The following PCDHA9 variants were observed in gnomAD, a reference collection of about 807,000 sequenced individuals.
PCDHA9 encodes the protein protocadherin alpha-9.
Under a neutral mutation model 62.0 loss-of-function variants are expected in PCDHA9, and 62 were observed. The ratio of observed to expected loss-of-function variants is 1.00; its 90% CI spans 0.81 to 1.23. PCDHA9 has a LOEUF of 1.23. Ranked by LOEUF, PCDHA9 falls within the 50% of genes most tolerant of loss-of-function variation. The pLI is 0.00. For missense variants in PCDHA9, 1,205 were observed against 1,249.8 expected (o/e 0.96, Z 0.54); for synonymous variants, 557 against 567.6 (o/e 0.98, Z 0.27).
At chr5:140,945,790 T>C (rs1340396620) in intron 1 of PCDHA9, among the ~76,000 whole-genome samples, 2 of 152,010 alleles carry the variant, frequency 1.3e-5, no homozygotes, top group South Asian at 2.1e-4. Context: ...TGCAGAAAAA[T>C]GAAACTAGAC....
In PCDHA9 at chr5:140,874,725, T is replaced by C. The variant is rs181567985; in HGVS notation, c.2394+23836T>C. Among the ~76,000 whole-genome samples, 426 of 152,372 alleles carry C rather than the reference T, an allele frequency of 2.8e-3. 2 individuals are homozygous for C. Among genetic ancestry groups the C allele is most frequent in the Middle Eastern group, 0.014 (4 of 294 alleles). On this transcript the variant is annotated intron_variant, in intron 1 of 3. Transcript: ENST00000532602. The stretch of plus-strand genomic sequence containing the variant: ...ATGAGAGCAGTTATGTGAAAAGTTA[T>C]CACATTCAAGCATCAAGGAACCAAA...
At chr5:140,989,970 A>C (rs2097368842) in intron 3 of PCDHA9, among the ~76,000 whole-genome samples, 1 of 152,136 alleles carries the variant, frequency 6.6e-6, no homozygotes, top group Non-Finnish European at 1.5e-5. Flanking sequence ...GAGCTTCCTC[A>C]GCAACAGCCC....
At chr5:140,982,359 C>T in intron 2 of PCDHA9, 116 bp from the exon 3 acceptor site, 1 of 1,523,712 alleles carries the variant, frequency 6.6e-7, no homozygotes. Context: ...CAAGCATGAG[C>T]AGAATGTGTT....
At chr5:140,957,780 G>A (rs2095383354) in intron 1 of PCDHA9, among the ~76,000 whole-genome samples, 1 of 152,020 alleles carries the variant, frequency 6.6e-6, no homozygotes, top group Non-Finnish European at 1.5e-5. Context: ...TAAAAACTAA[G>A]TTCATCATAT....
intron 1 of PCDHA9, chr5:140,966,707 A>G (rs539562297): frequency 7.2e-7 from 1 of 1,379,868 alleles, no homozygotes; most frequent in Admixed American, 3.5e-5. Context: ...GGCGTGGGGC[A>G]CGGCTGGGGA....
At chr5:140,881,277 A>G (rs1370714709) in intron 1 of PCDHA9, 5 of 731,680 alleles carry the variant, frequency 6.8e-6, no homozygotes, top group Non-Finnish European at 8.4e-6. Flanking sequence ...ATGAAGTAAG[A>G]TGGAGAGAGA....
At chr5:141,001,975 G>C (rs900969211) in intron 3 of PCDHA9, among the ~76,000 whole-genome samples, 8 of 152,184 alleles carry the variant, frequency 5.3e-5, no homozygotes, top group African/African-American at 1.9e-4. Flanking sequence ...GTCTCTGCGC[G>C]GAAAGCCTGG....
At chr5:140,978,856 A>G (rs2096826512) in intron 1 of PCDHA9, 93 bp from the exon 2 acceptor site, 1 of 1,589,052 alleles carries the variant, frequency 6.3e-7, no homozygotes, top group Non-Finnish European at 8.6e-7. Flanking sequence ...AGATGCCTGG[A>G]AATATTTAAG....
At position 140,863,955 on chromosome 5, in the gene PCDHA9, T is replaced by C. The variant is rs181544244; in HGVS notation, c.2394+13066T>C. 570 of 158,126 alleles carry C rather than the reference T, an allele frequency of 3.6e-3. 3 individuals carry two copies. The highest frequency in any genetic ancestry group is 0.014 in the Middle Eastern group (4 of 294). The allele number at this position is 158,126 out of a possible 1,614,324, so 9.8% of individuals were successfully genotyped here. ...GGCAGAGGTTGCGGTGAGCCTAGAT[T>C]AGGCCACTGCACTACAGCCTGGGAG... is the stretch of plus-strand genomic sequence containing the variant. On this transcript the variant is annotated intron_variant, in intron 1 of 3. Coordinates refer to ENST00000532602, the MANE Select transcript of PCDHA9 (RefSeq NM_031857.2).
At chr5:140,911,677 C>T (rs904570548) in intron 1 of PCDHA9, among the ~76,000 whole-genome samples, 4 of 152,118 alleles carry the variant, frequency 2.6e-5, no homozygotes, top group African/African-American at 7.2e-5. Flanking sequence ...TCTCACGAAC[C>T]GTGCATCAGG....
intron 1 of PCDHA9, chr5:140,869,142 A>G: frequency 6.2e-7 from 1 of 1,613,402 alleles, no homozygotes; most frequent in Non-Finnish European, 8.5e-7. Context: ...GCACCCCACG[A>G]CTACAGCTCT....
chr5:141,008,597 C>T (rs1485271666), intron 3 of PCDHA9, among the ~76,000 whole-genome samples: 1 of 152,224 alleles, frequency 6.6e-6, no homozygotes, highest in East Asian at 1.9e-4. Flanking sequence ...GATTTCACCT[C>T]CTCTGGAACC....
intron 1 of PCDHA9, among the ~76,000 whole-genome samples, chr5:140,973,515 T>G (rs1008643152): frequency 1.4e-4 from 21 of 152,232 alleles, no homozygotes; most frequent in African/African-American, 4.8e-4. Flanking sequence ...AAAAGTTTAT[T>G]TTCTTTGGTC....
At chr5:140,982,092 G>A (rs984553109) in intron 2 of PCDHA9, among the ~76,000 whole-genome samples, 1 of 152,218 alleles carries the variant, frequency 6.6e-6, no homozygotes, top group African/African-American at 2.4e-5. Context: ...CTAGGAACAA[G>A]AGAACCTGCA....
At chr5:140,860,140 T>C (rs1451807345) in intron 1 of PCDHA9, 2 of 150,358 alleles carry the variant, frequency 1.3e-5, no homozygotes, top group African/African-American at 2.4e-5. Flanking sequence ...TGTGTATATA[T>C]ATGTATATAT....
intron 1 of PCDHA9, among the ~76,000 whole-genome samples, chr5:140,952,641 G>T (rs1033672347): frequency 1.3e-5 from 2 of 152,102 alleles, no homozygotes; most frequent in Non-Finnish European, 2.9e-5. Flanking sequence ...TCCAACCTGT[G>T]CCTGGTTACC....
intron 3 of PCDHA9, among the ~76,000 whole-genome samples, chr5:140,987,372 A>G (rs1357478474): frequency 6.6e-6 from 1 of 152,204 alleles, no homozygotes; most frequent in Non-Finnish European, 1.5e-5. Flanking sequence ...ATATCATTAC[A>G]GGGTCAGAAT....
intron 1 of PCDHA9, among the ~76,000 whole-genome samples, chr5:140,943,772 T>G (rs371770047): frequency 2.9e-4 from 44 of 152,232 alleles, no homozygotes; most frequent in African/African-American, 6.7e-4. Context: ...GGAAAAAAAC[T>G]AGGAAGTGGT....
At chr5:140,978,903 C>T in intron 1 of PCDHA9, 46 bp from the exon 2 acceptor site, 4 of 1,613,202 alleles carry the variant, frequency 2.5e-6, no homozygotes, top group Middle Eastern at 1.7e-4. Flanking sequence ...CCTGGGAGAA[C>T]ATTGTCTTGT....
Sources: gnomAD v4.1 joint callset for allele counts (sites outside exome capture counted in the v4.1 genomes callset) on GRCh38, gnomAD v4.1.1 for gene constraint, MANE v1.5 for transcripts, NCBI Gene and HGNC (gene_info 2026-07-23, HGNC 2026-07-21) for gene names.